CDAN1: variants seen among roughly 807,000 people sequenced by gnomAD.
The protein encoded by CDAN1 is codanin-1.
Under a neutral mutation model 139.8 loss-of-function variants are expected in CDAN1, and 107 were observed. That is an observed-to-expected ratio of 0.77 (90% CI 0.65 to 0.90). The LOEUF (loss-of-function observed/expected upper bound fraction) is 0.90. Among genes scored for constraint, CDAN1 ranks in the 40% least tolerant of loss-of-function variants. CDAN1 has a pLI of 0.00. For missense variants in CDAN1, 1,667 were observed against 1,575.7 expected (o/e 1.06, Z -0.98); for synonymous variants, 776 against 660.6 (o/e 1.17, Z -2.68).
chr15:42,724,068 C>G lies in CDAN1; in HGVS notation c.*423G>C. 3.6e-6 allele frequency: 1 copy of G among 279,998 alleles called. No individual in the cohort carries two copies. Among genetic ancestry groups the G allele is most frequent in the Non-Finnish European group, 7.0e-6 (1 of 142,436 alleles). 17.3% of individuals were successfully genotyped at this position (279,998 alleles called of 1,614,324 possible). A position where few individuals can be genotyped will look rare whatever the true frequency, so the allele number is the denominator to read the frequency against. On this transcript the variant is annotated 3_prime_UTR_variant, in exon 28 of 28. Coordinates refer to ENST00000356231, the MANE Select transcript of CDAN1 (RefSeq NM_138477.4). ...GCTCCTGGTGATAAGAAAATGTAGA[C>G]TCCCAAGATTCATGTTTTAACTTTC...
chr15:42,731,655 T>C lies in CDAN1; in HGVS notation c.1704A>G (p.Gln568=). The C allele has an allele frequency of 1.9e-6, 3 of 1,614,158 alleles. No individual in the cohort carries two copies. The highest frequency in any genetic ancestry group is 1.7e-5 in the Admixed American group (1 of 60,026). Residue 568 remains glutamine (Q), a synonymous_variant, in exon 11 of 28, where the codon CAA becomes CAG. Coordinates refer to ENST00000356231, the MANE Select transcript of CDAN1 (RefSeq NM_138477.4). ...TAAGGATGAAGTCCCTAAAGAAGCCTTGACAGCCTGGGAAGGTGGGGGGTG... is the reference window on the plus strand; with the variant it reads ...TAAGGATGAAGTCCCTAAAGAAGCCCTGACAGCCTGGGAAGGTGGGGGGTG... The part of the protein sequence containing the change: ...PCPPPTFPGC[Q]GFFRDFILSA...
At chr15:42,726,912 T>G (rs570736951) in intron 23 of CDAN1, 1 of 179,012 alleles carries the variant, frequency 5.6e-6, no homozygotes, top group Admixed American at 5.5e-5. Flanking sequence ...CATTTTTTAG[T>G]CATTGTACCT....
At chr15:42,724,690 A>T in intron 27 of CDAN1, 74 bp from the exon 28 acceptor site, 1 of 1,516,286 alleles carries the variant, frequency 6.6e-7, no homozygotes, top group Non-Finnish European at 8.9e-7. Flanking sequence ...GTCACTAAAG[A>T]CCACAACCTG....
In CDAN1 at chr15:42,730,853, G is replaced by A. The variant is rs1014622704; in HGVS notation, c.2007+72C>T. 3.7e-6 allele frequency: 6 copies of A among 1,613,370 alleles called. No individual in the cohort carries two copies. The African/African-American group carries it at 8.0e-5, about 22-fold the overall frequency. On this transcript the variant is annotated intron_variant, in intron 13 of 27. Coordinates refer to ENST00000356231, the MANE Select transcript of CDAN1 (RefSeq NM_138477.4). ...CCTGCCTGGTTTCCAGAATAGCCAAGGAAACCAGTCAGCTTCAGTGCCTGG... is the reference window on the plus strand; with the variant it reads ...CCTGCCTGGTTTCCAGAATAGCCAAAGAAACCAGTCAGCTTCAGTGCCTGG...
In CDAN1 at chr15:42,727,696, C is replaced by G. The variant is rs755653124; in HGVS notation, c.3021G>C (p.Arg1007=). 9.5e-6 allele frequency: 15 copies of G among 1,585,426 alleles called. No individual in the cohort carries two copies. In the South Asian group the frequency reaches 1.3e-4, roughly 13 times the overall value. ...LRAQGPEPAA[R]GERRGCSRAC... ...CGCGGGAGCAGCCCCTCCGCTCCCC[C>G]CGGGCAGCAGGTTCAGGACCCTGGG... The change falls in exon 23 of 28, where the codon CGG becomes CGC. Residue 1007 remains arginine (R), a synonymous_variant. Coordinates refer to ENST00000356231, the MANE Select transcript of CDAN1 (RefSeq NM_138477.4).
intron 3 of CDAN1, 88 bp from the exon 4 acceptor site, chr15:42,735,767 C>T: frequency 6.3e-7 from 1 of 1,584,214 alleles, no homozygotes; most frequent in Non-Finnish European, 8.7e-7. Flanking sequence ...TACCAACAGC[C>T]CAGGAGACAA....
At chr15:42,735,054 C>A (rs1303931369) in intron 6 of CDAN1, 46 bp downstream of exon 6, 5 of 1,336,390 alleles carry the variant, frequency 3.7e-6, no homozygotes, top group African/African-American at 1.4e-5. Flanking sequence ...GAGAGCTAAG[C>A]AGATGATGAG....
rs962782161 is a variant in CDAN1, at chr15:42,736,047, G to T, written c.601C>A (p.Pro201Thr). ...GAGAGTGACCGCTCTTCGCTCACCGGAGTTGGGTTGATCCTGCGAGAAGGC... is the reference window on the plus strand; with the variant it reads ...GAGAGTGACCGCTCTTCGCTCACCGTAGTTGGGTTGATCCTGCGAGAAGGC... Reference protein sequence around the residue: ...TKPSRRINPTPVSEERSLSKP... With the variant: ...TKPSRRINPTTVSEERSLSKP... The change falls in exon 3 of 28, where the codon CCG becomes ACG. Residue 201 changes from proline to threonine, a missense_variant. By Grantham distance (38) the Pro-to-Thr change is conservative (BLOSUM62 -1). Transcript: ENST00000356231. 7 of 1,614,162 alleles carry T rather than the reference G, an allele frequency of 4.3e-6. No individual in the cohort carries two copies. In the African/African-American group the frequency reaches 8.0e-5, roughly 18 times the overall value.
Position 42,729,790 on chromosome 15 carries a change from A to G in CDAN1, c.2352+6T>C, listed in dbSNP as rs1595855809. 6.2e-7 allele frequency: 1 copy of G among 1,612,224 alleles called. No individual in the cohort carries two copies. The highest frequency in any genetic ancestry group is 2.2e-5 in the East Asian group (1 of 44,862). ...CCCATGGCTCTGGCGGAACCCCAGC[A>G]CTCACCAAGCCATGCTCTGGGGCTA... On this transcript the variant is annotated splice_donor_region_variant and intron_variant, in intron 16 of 27. Transcript: ENST00000356231.
chr15:42,725,705 G>A (rs1208502997), intron 25 of CDAN1, 35 bp from the exon 26 acceptor site: 1 of 1,609,464 alleles, frequency 6.2e-7, no homozygotes, highest in South Asian at 1.1e-5. Context: ...TTAAAAGATG[G>A]GGGCAGGCCG....
At chr15:42,728,179 A>G in intron 21 of CDAN1, 25 bp downstream of exon 21, 1 of 1,610,372 alleles carries the variant, frequency 6.2e-7, no homozygotes, top group East Asian at 2.2e-5. Context: ...CTGGCCTGCT[A>G]GCTGCAGGCC....
At chr15:42,734,680 C>T (rs193288456) in intron 6 of CDAN1, among the ~76,000 whole-genome samples, 1 of 151,682 alleles carries the variant, frequency 6.6e-6, no homozygotes, top group East Asian at 1.9e-4. Flanking sequence ...GCTGCAGTGG[C>T]GTGATCTCAC....
At chr15:42,728,109 C>T in intron 21 of CDAN1, 76 bp from the exon 22 acceptor site, 4 of 1,583,654 alleles carry the variant, frequency 2.5e-6, no homozygotes, top group Middle Eastern at 1.7e-4. Flanking sequence ...CGAGCACTGA[C>T]CCCGCCCCCA....
chr15:42,733,358 T>A lies in CDAN1; in HGVS notation c.1368-172A>T, dbSNP rs182547090. ...GACGCGATCTCAGCTCACTGCAACC[T>A]CCGCCCCGCCTGGGTTCAAGCGATT... is the stretch of plus-strand genomic sequence containing the variant. On this transcript the variant is annotated intron_variant, in intron 8 of 27. Transcript: ENST00000356231. 1.7e-3 allele frequency among the ~76,000 whole-genome samples: 254 copies of A among 151,630 alleles called. 1 individual carries two copies. The Middle Eastern group carries it at 0.027, about 16-fold the overall frequency.
At position 42,729,841 on chromosome 15, in the gene CDAN1, G is replaced by A; in HGVS notation, c.2307C>T (p.Pro769=). The A allele has an allele frequency of 6.2e-7, 1 of 1,613,912 alleles. No homozygotes were observed. The highest frequency in any genetic ancestry group is 8.5e-7 in the Non-Finnish European group (1 of 1,179,954). Residue 769 remains proline (P), a synonymous_variant, in exon 16 of 28, where the codon CCC becomes CCT. Transcript: ENST00000356231. The part of the protein sequence containing the change: ...PEDLFFLEEG[P]SYAFEVDTVA... The stretch of plus-strand genomic sequence containing the variant: ...CTGTGTCCACCTCAAAGGCATATGA[G>A]GGACCCTCTTCCAGAAAGAACAAGT...
intron 20 of CDAN1, 82 bp from the exon 21 acceptor site, chr15:42,728,349 CCT>C (rs1457109817): frequency 4.8e-6 from 7 of 1,470,054 alleles, no homozygotes; most frequent in Admixed American, 3.4e-5. Context: ...GCACCAAGCC[CCT>C]GACCTGGGAG....
At position 42,736,305 on chromosome 15, in the gene CDAN1, G is replaced by A. The variant is rs1334019230; in HGVS notation, c.566C>T (p.Thr189Ile). The change falls in exon 2 of 28, where the codon ACA (threonine) becomes ATA (isoleucine). Residue 189 changes from threonine to isoleucine, a missense_variant. Physicochemically the swap from Thr to Ile is moderately conservative, Grantham distance 89. Coordinates refer to ENST00000356231, the MANE Select transcript of CDAN1 (RefSeq NM_138477.4). ...CTGCATGAGAGCTGAGTCTCACCCTGTAGGGCCGGGGGGAACCGAGCCTAC... is the reference window on the plus strand; with the variant it reads ...CTGCATGAGAGCTGAGTCTCACCCTATAGGGCCGGGGGGAACCGAGCCTAC... ...PPVGSVPPGP[T>I]GTKPSRRINP... is the part of the protein sequence containing the mutation. 3 of 1,613,512 alleles carry A rather than the reference G, an allele frequency of 1.9e-6. No individual in the cohort carries two copies. Among genetic ancestry groups the A allele is most frequent in the Middle Eastern group, 1.6e-4 (1 of 6,084 alleles).
Position 42,735,191 on chromosome 15 carries a change from T to C in CDAN1, c.1058-13A>G. The C allele has an allele frequency of 6.2e-7, 1 of 1,608,942 alleles. No individual in the cohort carries two copies. Among genetic ancestry groups the C allele is most frequent in the Non-Finnish European group, 8.5e-7 (1 of 1,175,394 alleles). On this transcript the variant is annotated splice_polypyrimidine_tract_variant and intron_variant, in intron 5 of 27. Transcript: ENST00000356231. ...CTTTCCAGGGAATCTAGAAGGACAG[T>C]ACCAAGCTGTCAGTTAAGAACGGTC...
chr15:42,734,284 C>A lies in CDAN1; in HGVS notation c.1199G>T (p.Cys400Phe). 6.2e-7 allele frequency: 1 copy of A among 1,614,094 alleles called. No individual in the cohort carries two copies. The highest frequency in any genetic ancestry group is 8.5e-7 in the Non-Finnish European group (1 of 1,180,036). Residue 400 changes from cysteine to phenylalanine, a missense_variant, in exon 7 of 28, where the codon TGC becomes TTC. Physicochemically the swap from Cys to Phe is radical, Grantham distance 205. Transcript: ENST00000356231. ...GCGGCCTTGCAGAGCTGGTGAGAAG[C>A]ACAGCAGCCGCTCATTCTCAGCCAG... ...KLLAENERLLCFSPALQGRLR... is the reference protein window; with the variant it reads ...KLLAENERLLFFSPALQGRLR...
Sources: gnomAD v4.1 joint callset for allele counts (sites outside exome capture counted in the v4.1 genomes callset) on GRCh38, gnomAD v4.1.1 for gene constraint, MANE v1.5 for transcripts, NCBI Gene and HGNC (gene_info 2026-07-23, HGNC 2026-07-21) for gene names.